The following ASTN2 variants were observed in gnomAD, a reference collection of about 807,000 sequenced individuals.
ASTN2 encodes astrotactin-2.
ASTN2 carries 54 observed loss-of-function variants against 139.8 expected under a neutral mutation model. That is an observed-to-expected ratio of 0.39 (90% CI 0.31 to 0.48). The LOEUF (loss-of-function observed/expected upper bound fraction) is 0.48, where lower values mean the gene tolerates loss of function less well. Ranked by LOEUF, ASTN2 falls within the 20% of genes least tolerant of loss-of-function variation. The pLI, the probability that ASTN2 is intolerant of heterozygous loss-of-function variation, is 0.95. For missense variants in ASTN2, 1,565 were observed against 1,725.1 expected (o/e 0.91, Z 1.64); for synonymous variants, 756 against 719.5 (o/e 1.05, Z -0.81).
At chr9:116,530,094 GATATATATATATATATATATATATAT>G (rs3984942) in intron 19 of ASTN2, among the ~76,000 whole-genome samples, 553 of 51,054 alleles carry the variant, frequency 0.011, 26 homozygotes, top group African/African-American at 0.035. Flanking sequence ...GATAAAGTGT[GATATATATATATATATATATATATAT>G]ATATATATAT....
intron 22 of ASTN2, chr9:116,437,662 G>A (rs1464007601): frequency 6.5e-6 from 3 of 460,878 alleles, no homozygotes; most frequent in African/African-American, 6.1e-5. Flanking sequence ...CTGTGGGAAA[G>A]CCCAAAAAAC....
rs557555929 is a variant in ASTN2 at position 117,129,440 on chromosome 9, G to A, written c.1168+11886C>T. 2.0e-5 allele frequency among the ~76,000 whole-genome samples: 3 copies of A among 152,182 alleles called. No homozygotes were observed. In the East Asian group the frequency reaches 5.8e-4, roughly 29 times the overall value. On this transcript the variant is annotated intron_variant, in intron 4 of 22. Coordinates refer to ENST00000313400, the MANE Select transcript of ASTN2 (RefSeq NM_001365068.1). Reference sequence around the variant, plus strand: ...CACTGAAAATAAAATAAAATATTAAGAAATGGCCAAAGCCAGAAAATTGAG... The same window carrying A: ...CACTGAAAATAAAATAAAATATTAAAAAATGGCCAAAGCCAGAAAATTGAG...
intron 10 of ASTN2, among the ~76,000 whole-genome samples, chr9:116,895,501 G>A (rs1833859855): frequency 6.6e-6 from 1 of 152,180 alleles, no homozygotes. Flanking sequence ...AGTGGAAGCG[G>A]TCATGGTTTT....
intron 10 of ASTN2, among the ~76,000 whole-genome samples, chr9:116,911,525 C>A (rs769136789): frequency 3.3e-5 from 5 of 152,136 alleles, no homozygotes; most frequent in African/African-American, 4.8e-5. Flanking sequence ...CAAATAAGGT[C>A]TGGAATTTAA....
chr9:116,631,016 C>T (rs1275300533), intron 17 of ASTN2, among the ~76,000 whole-genome samples: 2 of 152,136 alleles, frequency 1.3e-5, no homozygotes, highest in African/African-American at 4.8e-5. Flanking sequence ...TATCATCTCA[C>T]TCCAATTTGG....
intron 1 of ASTN2, among the ~76,000 whole-genome samples, chr9:117,409,490 C>T (rs947970042): frequency 1.3e-5 from 2 of 152,150 alleles, no homozygotes; most frequent in Non-Finnish European, 2.9e-5. Context: ...GATTGTATTA[C>T]CGTTAGGGGT....
chr9:116,508,218 C>G (rs796194508), intron 19 of ASTN2, among the ~76,000 whole-genome samples: 19 of 152,304 alleles, frequency 1.2e-4, no homozygotes, highest in African/African-American at 4.1e-4. Flanking sequence ...AGTTTTCTTA[C>G]GTACACAACA....
chr9:117,307,890 C>T (rs1835043108), intron 1 of ASTN2, among the ~76,000 whole-genome samples: 1 of 152,228 alleles, frequency 6.6e-6, no homozygotes, highest in Non-Finnish European at 1.5e-5. Flanking sequence ...CTCCTGCGGT[C>T]TCCTGAAAGC....
chr9:116,687,348 C>T (rs1407086482), intron 16 of ASTN2: 27 of 753,302 alleles, frequency 3.6e-5, no homozygotes, highest in Non-Finnish European at 4.1e-5. Flanking sequence ...GGTGGGCTGC[C>T]GGCGGTGGAC....
chr9:117,381,632 C>G (rs1029778049), intron 1 of ASTN2, among the ~76,000 whole-genome samples: 1 of 152,146 alleles, frequency 6.6e-6, no homozygotes, highest in Non-Finnish European at 1.5e-5. Flanking sequence ...GAGACCTCCC[C>G]AGAAGCAGAT....
chr9:117,031,627 G>A (rs867301920), intron 6 of ASTN2, among the ~76,000 whole-genome samples: 11 of 151,966 alleles, frequency 7.2e-5, no homozygotes, highest in African/African-American at 2.7e-4. Context: ...AAAAAAGCAG[G>A]GCTCAAGGAG....
intron 2 of ASTN2, among the ~76,000 whole-genome samples, chr9:117,258,835 C>T (rs1833753871): frequency 6.6e-6 from 1 of 152,094 alleles, no homozygotes; most frequent in African/African-American, 2.4e-5. Flanking sequence ...TCTGCCTCAC[C>T]TGTATTTTCC....
chr9:116,514,150 T>C (rs946456517), intron 19 of ASTN2, among the ~76,000 whole-genome samples: 19 of 151,860 alleles, frequency 1.3e-4, no homozygotes, highest in South Asian at 2.1e-4. Context: ...CTTTGGTCTT[T>C]GATGATGGTG....
intron 2 of ASTN2, among the ~76,000 whole-genome samples, chr9:117,258,474 T>G (rs1376310155): frequency 1.3e-5 from 2 of 152,194 alleles, no homozygotes; most frequent in African/African-American, 4.8e-5. Flanking sequence ...TGTGACAGTT[T>G]GCAGCAAAGG....
At chr9:116,961,794 G>A (rs1326668596) in intron 10 of ASTN2, among the ~76,000 whole-genome samples, 1 of 152,138 alleles carries the variant, frequency 6.6e-6, no homozygotes, top group Non-Finnish European at 1.5e-5. Flanking sequence ...TTCTGAAAAG[G>A]CATGAGTTTA....
chr9:116,770,930 AT>A (rs2132184917), intron 13 of ASTN2, among the ~76,000 whole-genome samples: 1 of 152,296 alleles, frequency 6.6e-6, no homozygotes, highest in East Asian at 1.9e-4. Flanking sequence ...AGAACCTGCC[AT>A]TATATGGAGC....
intron 17 of ASTN2, among the ~76,000 whole-genome samples, chr9:116,647,682 G>A (rs1247553812): frequency 6.6e-6 from 1 of 152,194 alleles, no homozygotes; most frequent in African/African-American, 2.4e-5. Context: ...GGCCCAGAAA[G>A]GCCGTCACTG....
chr9:116,656,143 T>C (rs1231600856), intron 16 of ASTN2, among the ~76,000 whole-genome samples: 1 of 152,208 alleles, frequency 6.6e-6, no homozygotes, highest in Non-Finnish European at 1.5e-5. Context: ...GCTGATCCCA[T>C]ATCCATCTTA....
intron 19 of ASTN2, among the ~76,000 whole-genome samples, chr9:116,617,006 G>C (rs1855892722): frequency 6.6e-6 from 1 of 152,142 alleles, no homozygotes; most frequent in Admixed American, 6.6e-5. Flanking sequence ...AAAATCAGCT[G>C]CCCAGTTACT....
Sources: gnomAD v4.1 joint callset for allele counts (sites outside exome capture counted in the v4.1 genomes callset) on GRCh38, gnomAD v4.1.1 for gene constraint, MANE v1.5 for transcripts, NCBI Gene and HGNC (gene_info 2026-07-23, HGNC 2026-07-21) for gene names.